The following CIMAP2 variants were observed in gnomAD, a reference collection of about 807,000 sequenced individuals.
CIMAP2 encodes ciliary microtubule associated protein 2.
the CIMAP2 span, chr1:54,816,944 C>T: frequency 6.2e-7 from 1 of 1,611,776 alleles, no homozygotes; most frequent in Admixed American, 1.7e-5. Flanking sequence ...GACACAGTCT[C>T]CAAGCCAGGC....
chr1:54,811,765 G>GCCGGGGGGGGGGGGGCCGCCCCCC, the CIMAP2 span: 1 of 1,301,330 alleles, frequency 7.7e-7, no homozygotes, highest in Non-Finnish European at 1.1e-6. Context: ...GGTTCTGACA[G>GCCGGGGGGGGGGGGGCCGCCCCCC]CCTCCATGCC....
the CIMAP2 span, among the ~76,000 whole-genome samples, chr1:54,820,720 A>G: frequency 6.6e-6 from 1 of 152,174 alleles, no homozygotes; most frequent in South Asian, 2.1e-4. Flanking sequence ...TCTGTTGAGC[A>G]TCTGTATGCT....
At chr1:54,806,969 T>A in the CIMAP2 span, 3 of 1,593,754 alleles carry the variant, frequency 1.9e-6, no homozygotes, top group Non-Finnish European at 2.6e-6. Context: ...GGCACAGGGC[T>A]CTCACTGGGC....
chr1:54,815,838 C>G, the CIMAP2 span, among the ~76,000 whole-genome samples: 26 of 151,602 alleles, frequency 1.7e-4, no homozygotes, highest in African/African-American at 6.1e-4. Flanking sequence ...AGAGCCCCTG[C>G]CATTCCCACC....
the CIMAP2 span, among the ~76,000 whole-genome samples, chr1:54,821,820 A>T: frequency 6.7e-6 from 1 of 149,016 alleles, no homozygotes; most frequent in Non-Finnish European, 1.5e-5. Flanking sequence ...TCTATATAAG[A>T]TCATGTTGTC....
the CIMAP2 span, chr1:54,813,757 G>A: frequency 2.0e-6 from 3 of 1,526,214 alleles, no homozygotes; most frequent in East Asian, 2.3e-5. Context: ...GGAGGGTTGA[G>A]AAAGGAGCTC....
the CIMAP2 span, chr1:54,812,306 A>C: frequency 7.2e-7 from 1 of 1,398,052 alleles, no homozygotes. Flanking sequence ...CCTTTCCCAC[A>C]CCCCCTCACT....
At chr1:54,825,159 T>C in the CIMAP2 span, among the ~76,000 whole-genome samples, 2 of 146,340 alleles carry the variant, frequency 1.4e-5, no homozygotes, top group Non-Finnish European at 3.0e-5. Flanking sequence ...CATGCCATTC[T>C]CCTGCCTCAA....
the CIMAP2 span, among the ~76,000 whole-genome samples, chr1:54,830,225 A>G: frequency 1.3e-5 from 2 of 151,830 alleles, no homozygotes; most frequent in Admixed American, 1.3e-4. The surrounding 1 kb of genome is among the most constrained non-coding windows in gnomAD (Gnocchi z 4.1). Flanking sequence ...CTATTTATTT[A>G]TTTATTTATT....
the CIMAP2 span, among the ~76,000 whole-genome samples, chr1:54,828,368 G>C: frequency 6.6e-6 from 1 of 152,130 alleles, no homozygotes; most frequent in African/African-American, 2.4e-5. Context: ...TCCAGGGCGG[G>C]GGTGCCACCC....
the CIMAP2 span, chr1:54,806,096 C>T: frequency 2.0e-6 from 3 of 1,504,860 alleles, no homozygotes; most frequent in South Asian, 1.2e-5. Flanking sequence ...GCAGCGGAGG[C>T]GGGCAGCGCG....
chr1:54,811,764 A>AGCCGGGGGGGGGGGG, the CIMAP2 span: 6 of 1,097,916 alleles, frequency 5.5e-6, no homozygotes, highest in Non-Finnish European at 5.3e-6. Context: ...TGGTTCTGAC[A>AGCCGGGGGGGGGGGG]GCCTCCATGC....
At chr1:54,809,252 T>C in the CIMAP2 span, among the ~76,000 whole-genome samples, 1 of 152,088 alleles carries the variant, frequency 6.6e-6, no homozygotes, top group East Asian at 1.9e-4. Context: ...GATGCAGACA[T>C]GGGAATGTCC....
At chr1:54,812,131 ATG>A in the CIMAP2 span, 1 of 1,614,016 alleles carries the variant, frequency 6.2e-7, no homozygotes, top group Non-Finnish European at 8.5e-7. Context: ...CGCGGCCCCT[ATG>A]ACACTTTCTC....
At chr1:54,819,985 TTTC>T in the CIMAP2 span, among the ~76,000 whole-genome samples, 2 of 139,130 alleles carry the variant, frequency 1.4e-5, no homozygotes, top group Non-Finnish European at 3.1e-5. Context: ...TTTTTCTCTC[TTTC>T]TTCTTTCTTT....
the CIMAP2 span, chr1:54,807,048 G>C: frequency 6.2e-7 from 1 of 1,614,156 alleles, no homozygotes; most frequent in Middle Eastern, 1.6e-4. Flanking sequence ...CACCTTCACT[G>C]AGGCCCCATA....
chr1:54,821,530 G>A, the CIMAP2 span, among the ~76,000 whole-genome samples: 1 of 152,114 alleles, frequency 6.6e-6, no homozygotes, highest in Non-Finnish European at 1.5e-5. Flanking sequence ...TCCAGTTCAT[G>A]AACATTGGAT....
the CIMAP2 span, among the ~76,000 whole-genome samples, chr1:54,819,788 TTTC>T: frequency 1.5e-5 from 2 of 131,764 alleles, no homozygotes; most frequent in Non-Finnish European, 3.4e-5. Flanking sequence ...CTTCCTTCCT[TTTC>T]TTCTCTTTTC....
chr1:54,810,424 C>T, the CIMAP2 span, among the ~76,000 whole-genome samples: 5 of 152,218 alleles, frequency 3.3e-5, no homozygotes, highest in Admixed American at 6.5e-5. Flanking sequence ...ACCTAACACA[C>T]CATGCAGGGA....
Sources: gnomAD v4.1 joint callset for allele counts (sites outside exome capture counted in the v4.1 genomes callset) on GRCh38, gnomAD v4.1.1 for gene constraint, Gnocchi (gnomAD v3.1) non-coding constraint, MANE v1.5 for transcripts, NCBI Gene and HGNC (gene_info 2026-07-23, HGNC 2026-07-21) for gene names.